The following BRINP3 variants were observed in gnomAD, a reference collection of about 807,000 sequenced individuals.
The protein encoded by BRINP3 is BMP/retinoic acid-inducible neural-specific protein 3.
In BRINP3, 19 loss-of-function variants were observed where a neutral mutation model predicts 71.0. The ratio of observed to expected loss-of-function variants is 0.27; its 90% CI spans 0.19 to 0.39. The LOEUF is 0.39. Ranked by LOEUF, BRINP3 falls within the 10% of genes least tolerant of loss-of-function variation. The pLI, the probability that BRINP3 is intolerant of heterozygous loss-of-function variation, is 1.00. For synonymous variants in BRINP3, 380 were observed against 337.7 expected, an observed-to-expected ratio of 1.13 and a Z score of -1.37; for missense variants, 959 against 940.8, an observed-to-expected ratio of 1.02 and a Z score of -0.25.
rs1326043943 is a variant in BRINP3 at position 190,379,232 on chromosome 1, C to G, written c.236+75423G>C. On this transcript the variant is annotated intron_variant, in intron 2 of 7. Coordinates refer to ENST00000367462, the MANE Select transcript of BRINP3 (RefSeq NM_199051.3). ...AAAACAAAAAAACTACATTTTTATT[C>G]AGACATTTATGAATTAAATATGTGT... Among the ~76,000 whole-genome samples the G allele has an allele frequency of 3.9e-5, 6 of 152,056 alleles. No homozygotes were observed. In the East Asian group the frequency reaches 1.2e-3, roughly 29 times the overall value.
intron 1 of BRINP3, among the ~76,000 whole-genome samples, chr1:190,469,718 T>G (rs1013627701): frequency 6.6e-6 from 1 of 151,162 alleles, no homozygotes; most frequent in South Asian, 2.1e-4. Context: ...TTTTGTTCTA[T>G]ATTTAGTTTA....
At chr1:190,318,399 A>G (rs1666025587) in intron 2 of BRINP3, among the ~76,000 whole-genome samples, 1 of 152,114 alleles carries the variant, frequency 6.6e-6, no homozygotes, top group Non-Finnish European at 1.5e-5. Flanking sequence ...TCACTTGATT[A>G]CAGGAGTTAG....
rs185949851 is a variant in BRINP3, at chr1:190,415,415, A to G, written c.236+39240T>C. ...AACATATAAATTATATGGATTAATG[A>G]TAAATATTTAATGGCTTCAATTCTA... On this transcript the variant is annotated intron_variant, in intron 2 of 7. Transcript: ENST00000367462. Among the ~76,000 whole-genome samples, 7 of 152,334 alleles carry G rather than the reference A, an allele frequency of 4.6e-5. No homozygotes were observed. In the East Asian group the frequency reaches 1.4e-3, roughly 29 times the overall value.
intron 1 of BRINP3, chr1:190,475,943 C>G (rs1193552106): frequency 6.6e-6 from 1 of 152,348 alleles, no homozygotes; most frequent in Non-Finnish European, 1.5e-5. Flanking sequence ...CAAATGAAGT[C>G]ACGGACTCTG....
intron 7 of BRINP3, among the ~76,000 whole-genome samples, chr1:190,140,615 C>A (rs1264327873): frequency 1.3e-5 from 2 of 152,072 alleles, no homozygotes; most frequent in Non-Finnish European, 2.9e-5. Context: ...TTAATTTTGA[C>A]ATTGCTCAAC....
At chr1:190,391,787 A>G (rs1353055010) in intron 2 of BRINP3, among the ~76,000 whole-genome samples, 1 of 151,734 alleles carries the variant, frequency 6.6e-6, no homozygotes, top group Non-Finnish European at 1.5e-5. Context: ...TTACCAGATT[A>G]TTAGTGTCAG....
At chr1:190,163,161 TTAG>T (rs1281538998) in intron 6 of BRINP3, among the ~76,000 whole-genome samples, 1 of 152,068 alleles carries the variant, frequency 6.6e-6, no homozygotes, top group African/African-American at 2.4e-5. Flanking sequence ...GAATGATGCA[TTAG>T]TATTATAATA....
intron 7 of BRINP3, among the ~76,000 whole-genome samples, chr1:190,111,174 G>C (rs1419633574): frequency 1.4e-5 from 1 of 70,586 alleles, no homozygotes; most frequent in Non-Finnish European, 2.3e-5. Flanking sequence ...GACAGAGCAA[G>C]ACTCCATTAA....
intron 6 of BRINP3, among the ~76,000 whole-genome samples, chr1:190,210,648 C>A (rs1655902059): frequency 6.6e-6 from 1 of 152,018 alleles, no homozygotes; most frequent in African/African-American, 2.4e-5. Context: ...TAATACAAAA[C>A]AAAAGCTCTC....
chr1:190,174,538 C>A (rs376526700), intron 6 of BRINP3, among the ~76,000 whole-genome samples: 3 of 151,804 alleles, frequency 2.0e-5, no homozygotes, highest in African/African-American at 4.8e-5. Flanking sequence ...CGGCAAAACT[C>A]GAAGTTTACA....
chr1:190,130,783 A>G (rs960044761), intron 7 of BRINP3, among the ~76,000 whole-genome samples: 8 of 151,916 alleles, frequency 5.3e-5, no homozygotes, highest in Non-Finnish European at 1.5e-5. Context: ...ATAACTACTA[A>G]TTTGGGCCCT....
Position 190,402,585 on chromosome 1 carries a change from T to G in BRINP3, c.236+52070A>C, listed in dbSNP as rs535217046. 1.6e-4 allele frequency among the ~76,000 whole-genome samples: 24 copies of G among 152,282 alleles called. No individual in the cohort carries two copies. In the South Asian group the frequency reaches 5.0e-3, roughly 32 times the overall value. On this transcript the variant is annotated intron_variant, in intron 2 of 7. Coordinates refer to ENST00000367462, the MANE Select transcript of BRINP3 (RefSeq NM_199051.3). ...ATGAAAAAGTCCTAGGTTCATACACTGGTGCTGAACTTAGGGAATGAATAT... is the reference window on the plus strand; with the variant it reads ...ATGAAAAAGTCCTAGGTTCATACACGGGTGCTGAACTTAGGGAATGAATAT...
chr1:190,403,239 A>T (rs960031195), intron 2 of BRINP3, among the ~76,000 whole-genome samples: 1 of 152,228 alleles, frequency 6.6e-6, no homozygotes, highest in Non-Finnish European at 1.5e-5. Flanking sequence ...AAGCATAAAG[A>T]AATGAAGTGA....
intron 3 of BRINP3, among the ~76,000 whole-genome samples, chr1:190,268,289 G>A (rs190932444): frequency 6.6e-6 from 1 of 152,160 alleles, no homozygotes; most frequent in Admixed American, 6.5e-5. Context: ...CATAGAGATG[G>A]AGTCTCACTG....
chr1:190,312,446 A>G (rs1036359651), intron 2 of BRINP3, among the ~76,000 whole-genome samples: 1 of 151,622 alleles, frequency 6.6e-6, no homozygotes, highest in African/African-American at 2.4e-5. Flanking sequence ...CTCCTAAAAT[A>G]TATCTATTCT....
rs534003104 is a variant in BRINP3 at position 190,111,195 on chromosome 1, A to C, written c.1185-12061T>G. Among the ~76,000 whole-genome samples, 5 of 150,394 alleles carry C rather than the reference A, an allele frequency of 3.3e-5. No homozygotes were observed. In the South Asian group the frequency reaches 8.4e-4, roughly 25 times the overall value. On this transcript the variant is annotated intron_variant, in intron 7 of 7. Transcript: ENST00000367462. ...GCAAGACTCCATTAAAAAAAAAAAAAAAAAAAAAAAAAACTTTAGAACTTT... is the reference window on the plus strand; with the variant it reads ...GCAAGACTCCATTAAAAAAAAAAAACAAAAAAAAAAAAACTTTAGAACTTT...
chr1:190,376,044 C>T (rs1320141801), intron 2 of BRINP3, among the ~76,000 whole-genome samples: 1 of 151,992 alleles, frequency 6.6e-6, no homozygotes, highest in African/African-American at 2.4e-5. Context: ...CTTCTAATGA[C>T]TGTGGACATC....
At chr1:190,454,997 A>G in intron 1 of BRINP3, 57 bp from the exon 2 acceptor site, 1 of 822,334 alleles carries the variant, frequency 1.2e-6, no homozygotes, top group Non-Finnish European at 1.9e-6. Context: ...TCTCTCAGTT[A>G]AGGTGTTGAG....
At position 190,206,119 on chromosome 1, in the gene BRINP3, C is replaced by T. The variant is rs1358292647; in HGVS notation, c.961+19963G>A. Among the ~76,000 whole-genome samples, 3 of 151,910 alleles carry T rather than the reference C, an allele frequency of 2.0e-5. No individual in the cohort carries two copies. In the East Asian group the frequency reaches 5.8e-4, roughly 29 times the overall value. On this transcript the variant is annotated intron_variant, in intron 6 of 7. Transcript: ENST00000367462. ...AAAGACACTTGCCAGTACACCGTTG[C>T]CAAATTAAGGTTAACTTGGGGTTCA...
Sources: allele counts gnomAD v4.1 joint callset (sites outside exome capture counted in the v4.1 genomes callset), GRCh38; gene constraint gnomAD v4.1.1; transcripts MANE v1.5; gene names NCBI Gene and HGNC (gene_info 2026-07-23, HGNC 2026-07-21).